Variants in PTPRG observed in about 807,000 individuals in gnomAD.
The protein encoded by PTPRG is receptor-type tyrosine-protein phosphatase gamma.
A neutral mutation model predicts 165.3 loss-of-function variants in PTPRG; 102 were observed. The observed-to-expected ratio is 0.62, with a 90% CI of 0.53 to 0.73. The LOEUF is 0.73. PTPRG is among the 30% of genes least tolerant of loss of function. The probability of loss-of-function intolerance (pLI) is 0.00; values close to 1 mark genes in which losing one functional copy is unlikely to be tolerated. For synonymous variants in PTPRG, 675 were observed against 669.5 expected (o/e 1.01, Z -0.13); for missense variants, 1,866 against 1,861.4 (o/e 1.00, Z -0.05).
At chr3:62,044,320 T>C (rs7613015) in intron 4 of PTPRG, among the ~76,000 whole-genome samples, 130,372 of 152,168 alleles carry the variant, frequency 0.86, 56,551 homozygotes, top group Non-Finnish European at 0.92. Flanking sequence ...GGGCGGATCA[T>C]CTGAGGTCAG....
At chr3:62,017,770 A>C (rs1354822574) in intron 4 of PTPRG, among the ~76,000 whole-genome samples, 1 of 152,160 alleles carries the variant, frequency 6.6e-6, no homozygotes, top group Non-Finnish European at 1.5e-5. Context: ...TGTAGCTCTT[A>C]TATTAACAAC....
chr3:62,068,745 A>G (rs935388951), intron 4 of PTPRG, among the ~76,000 whole-genome samples: 1 of 152,182 alleles, frequency 6.6e-6, no homozygotes, highest in African/African-American at 2.4e-5. Context: ...TCTCAAAAAC[A>G]TCCTGGCACC....
intron 6 of PTPRG, among the ~76,000 whole-genome samples, chr3:62,133,226 A>C (rs1703581943): frequency 6.6e-6 from 1 of 152,222 alleles, no homozygotes; most frequent in Non-Finnish European, 1.5e-5. Flanking sequence ...TTATTGGAAG[A>C]ATTTCCCTGC....
chr3:61,640,868 C>A (rs1324774646), intron 1 of PTPRG, among the ~76,000 whole-genome samples: 1 of 152,178 alleles, frequency 6.6e-6, no homozygotes, highest in African/African-American at 2.4e-5. Flanking sequence ...TTTAGAGTTT[C>A]TTTTCTCTTC....
intron 7 of PTPRG, among the ~76,000 whole-genome samples, chr3:62,161,026 A>G (rs1279620039): frequency 6.6e-6 from 1 of 152,100 alleles, no homozygotes; most frequent in Non-Finnish European, 1.5e-5. Context: ...GGTTCCATTT[A>G]TGGCTTTGTT....
chr3:62,217,349 C>A lies in PTPRG; in HGVS notation c.2156-1502C>A, dbSNP rs1700537324. ...CTGCGTCACAGGCCTGTGCCTGAAA[C>A]AAAGGAGGTGGTCAACATCAAATGC... On this transcript the variant is annotated intron_variant, in intron 12 of 29. Transcript: ENST00000474889. The surrounding 1 kb of genome is among the most constrained non-coding windows in gnomAD (Gnocchi z 4.3). 6.6e-6 allele frequency among the ~76,000 whole-genome samples: 1 copy of A among 152,216 alleles called. No homozygotes were observed. Among genetic ancestry groups the A allele is most frequent in the African/African-American group, 2.4e-5 (1 of 41,460 alleles).
chr3:62,261,669 A>G (rs573616079), intron 16 of PTPRG, among the ~76,000 whole-genome samples: 5 of 151,886 alleles, frequency 3.3e-5, no homozygotes, highest in Non-Finnish European at 7.4e-5. Flanking sequence ...GTGTCCAACA[A>G]TTGGAGAGTC....
intron 1 of PTPRG, among the ~76,000 whole-genome samples, chr3:61,569,334 A>AT (rs1204140803): frequency 6.6e-6 from 1 of 151,894 alleles, no homozygotes; most frequent in African/African-American, 2.4e-5. Flanking sequence ...GTGCCTCATT[A>AT]TTTTTTTCTT....
chr3:61,584,080 G>A (rs1700374678), intron 1 of PTPRG, among the ~76,000 whole-genome samples: 4 of 152,188 alleles, frequency 2.6e-5, no homozygotes, highest in Admixed American at 2.0e-4. Context: ...TTTTATCTTC[G>A]GGAATCTGAG....
intron 6 of PTPRG, among the ~76,000 whole-genome samples, chr3:62,151,300 ATAAACCC>A (rs1303538415): frequency 2.0e-5 from 3 of 152,252 alleles, no homozygotes; most frequent in African/African-American, 4.8e-5. Flanking sequence ...ATCTTCAGAT[ATAAACCC>A]TTTGCATTCA....
chr3:61,800,341 A>G (rs529324605), intron 2 of PTPRG, among the ~76,000 whole-genome samples: 44 of 152,254 alleles, frequency 2.9e-4, no homozygotes, highest in Non-Finnish European at 3.5e-4. Flanking sequence ...ACACAAAAAA[A>G]ATTCTTTGGG....
intron 4 of PTPRG, among the ~76,000 whole-genome samples, chr3:62,029,026 G>A (rs146305902): frequency 2.0e-5 from 3 of 152,322 alleles, no homozygotes; most frequent in South Asian, 4.1e-4. Context: ...TATGGCCATG[G>A]AATGCACAAC....
chr3:61,881,551 T>C (rs1425150996), intron 2 of PTPRG, among the ~76,000 whole-genome samples: 1 of 152,200 alleles, frequency 6.6e-6, no homozygotes, highest in African/African-American at 2.4e-5. Context: ...GCTCCTGTTT[T>C]CTAAAGGAGG....
chr3:61,975,612 T>C (rs1017416237), intron 2 of PTPRG, among the ~76,000 whole-genome samples: 1 of 152,180 alleles, frequency 6.6e-6, no homozygotes, highest in Non-Finnish European at 1.5e-5. Context: ...AGTCCTAAAA[T>C]GAAACTGTGT....
intron 2 of PTPRG, among the ~76,000 whole-genome samples, chr3:61,852,937 A>G (rs1394119282): frequency 3.9e-5 from 6 of 152,240 alleles, no homozygotes; most frequent in African/African-American, 1.4e-4. Context: ...TGAGTAAAGT[A>G]GACATTGATT....
At chr3:62,276,501 G>A (rs1702236780) in intron 24 of PTPRG, 1 of 163,720 alleles carries the variant, frequency 6.1e-6, no homozygotes, top group Non-Finnish European at 1.3e-5. Context: ...AGAGGATGCT[G>A]TCTGTGTGCT....
intron 3 of PTPRG, among the ~76,000 whole-genome samples, chr3:61,994,928 G>A (rs1202156763): frequency 1.3e-5 from 2 of 152,072 alleles, no homozygotes; most frequent in Admixed American, 6.5e-5. Flanking sequence ...CCTGTTGACT[G>A]CTGCCTCTCT....
intron 2 of PTPRG, among the ~76,000 whole-genome samples, chr3:61,951,258 C>T (rs1215746399): frequency 6.6e-6 from 1 of 152,174 alleles, no homozygotes; most frequent in African/African-American, 2.4e-5. Context: ...CCAGCCTGTC[C>T]AGTGTTTTCT....
intron 1 of PTPRG, among the ~76,000 whole-genome samples, chr3:61,682,098 G>A (rs1331729372): frequency 3.0e-5 from 4 of 131,194 alleles, no homozygotes; most frequent in Non-Finnish European, 6.2e-5. Flanking sequence ...GCAGTGAGCC[G>A]AGATTGTGTG....
Sources: gnomAD v4.1 joint callset for allele counts (sites outside exome capture counted in the v4.1 genomes callset) on GRCh38, gnomAD v4.1.1 for gene constraint, Gnocchi (gnomAD v3.1) non-coding constraint, MANE v1.5 for transcripts, NCBI Gene and HGNC (gene_info 2026-07-23, HGNC 2026-07-21) for gene names.